Variants in TTC3 observed in about 807,000 individuals in gnomAD.
The protein encoded by TTC3 is tetratricopeptide repeat domain 3, also known as E3 ubiquitin-protein ligase TTC3.
In TTC3, 180 loss-of-function variants were observed where a neutral mutation model predicts 249.6. That is an observed-to-expected ratio of 0.72 (90% CI 0.64 to 0.82). The LOEUF is 0.82. Ranked by LOEUF, TTC3 falls within the 40% of genes least tolerant of loss-of-function variation. The pLI, the probability that TTC3 is intolerant of heterozygous loss-of-function variation, is 0.00. For synonymous variants in TTC3, 717 were observed against 805.0 expected (o/e 0.89, Z 1.85); for missense variants, 2,061 against 2,398.4 (o/e 0.86, Z 2.94).
chr21:37,087,505 A>G, intron 2 of TTC3, 104 bp downstream of exon 2: 7 of 1,381,904 alleles, frequency 5.1e-6, no homozygotes, highest in South Asian at 1.3e-5. Context: ...GCGTTTTGAC[A>G]GGGAGGTACA....
At chr21:37,170,539 C>T (rs2081671763) in intron 34 of TTC3, among the ~76,000 whole-genome samples, 1 of 152,126 alleles carries the variant, frequency 6.6e-6, no homozygotes, top group Admixed American at 6.5e-5. Context: ...GTATTTGAAT[C>T]AGCAGAAAAT....
intron 10 of TTC3, among the ~76,000 whole-genome samples, chr21:37,097,444 G>C (rs2074049650): frequency 6.6e-6 from 1 of 152,178 alleles, no homozygotes; most frequent in South Asian, 2.1e-4. Context: ...AGAAAACGAA[G>C]TTGGAATCTG....
rs2079526544 is a variant in TTC3, at chr21:37,152,148, A to G, written c.2413+119A>G. On this transcript the variant is annotated intron_variant, in intron 26 of 45. Coordinates refer to ENST00000355666, the Ensembl canonical transcript of TTC3. Reference sequence around the variant, plus strand: ...AATTGAAATAAAGATTTCACTTAGTAATTTAATACTATCACTGTCTTCTGT... The same window carrying G: ...AATTGAAATAAAGATTTCACTTAGTGATTTAATACTATCACTGTCTTCTGT... The G allele has an allele frequency of 7.9e-6, 9 of 1,146,188 alleles. No homozygotes were observed. The South Asian group carries it at 2.1e-4, about 26-fold the overall frequency. The allele number at this position is 1,146,188 out of a possible 1,614,324, so 71.0% of individuals were successfully genotyped here.
rs60916518 is a variant in TTC3, at chr21:37,124,112, C to CTTTTTTTTTTTTTTTTTTT, written c.1110-502_1110-484dup. Among the ~76,000 whole-genome samples the CTTTTTTTTTTTTTTTTTTT allele has an allele frequency of 1.4e-3, 83 of 61,278 alleles. 24 individuals are homozygous for CTTTTTTTTTTTTTTTTTTT. Among genetic ancestry groups the CTTTTTTTTTTTTTTTTTTT allele is most frequent in the Admixed American group, 1.9e-3 (6 of 3,202 alleles). 40.2% of individuals were successfully genotyped at this position (61,278 alleles called of 152,430 possible). A position where few individuals can be genotyped will look rare whatever the true frequency, so the allele number is the denominator to read the frequency against. ...GCAGAATACTTCTTTTTGAACTGTT[C>CTTTTTTTTTTTTTTTTTTT]TTTTTTTTTTTTTTTTTTTTTTTGA... On this transcript the variant is annotated intron_variant, in intron 13 of 45. Coordinates refer to ENST00000355666, the Ensembl canonical transcript of TTC3.
intron 26 of TTC3, 114 bp downstream of exon 26, chr21:37,152,143 T>G (rs1207873017): frequency 2.5e-6 from 3 of 1,219,298 alleles, no homozygotes; most frequent in Non-Finnish European, 2.2e-6. Context: ...AAGATTTCAC[T>G]TAGTAATTTA....
chr21:37,147,134 G>C (rs2147991939), intron 21 of TTC3, among the ~76,000 whole-genome samples: 1 of 152,244 alleles, frequency 6.6e-6, no homozygotes, highest in Non-Finnish European at 1.5e-5. Context: ...ATTACCCTAA[G>C]GGTTATTCTG....
intron 1 of TTC3, among the ~76,000 whole-genome samples, chr21:37,079,512 G>T (rs2071329067): frequency 8.8e-6 from 1 of 113,346 alleles, no homozygotes; most frequent in African/African-American, 3.6e-5. Context: ...CAAGTTTATG[G>T]TATGGTTTTT....
intron 2 of TTC3, among the ~76,000 whole-genome samples, 153 bp from the exon 3 acceptor site, chr21:37,087,680 C>T (rs182138724): frequency 8.8e-4 from 134 of 152,158 alleles, no homozygotes; most frequent in Non-Finnish European, 1.0e-3. Flanking sequence ...TACTGTAAAA[C>T]GGGTCTCAAA....
At chr21:37,147,929 A>G (rs1382199352) in intron 22 of TTC3, among the ~76,000 whole-genome samples, 3 of 152,048 alleles carry the variant, frequency 2.0e-5, no homozygotes, top group African/African-American at 4.8e-5. Flanking sequence ...GGGTTTCACC[A>G]TATTGGCCAG....
At chr21:37,138,074 C>T (rs781571602) in intron 18 of TTC3, among the ~76,000 whole-genome samples, 49 of 152,104 alleles carry the variant, frequency 3.2e-4, no homozygotes, top group Non-Finnish European at 2.4e-4. Context: ...ACTCAGTAAA[C>T]CCTCAGATGA....
At chr21:37,192,201 T>C (rs746231058) in exon 41 of TTC3, 2 of 1,602,758 alleles carry the variant, frequency 1.2e-6, no homozygotes, top group Non-Finnish European at 1.7e-6. Context: ...TTTCATTTCC[T>C]GCCTGTAACA....
intron 38 of TTC3, chr21:37,188,163 C>G (rs1003430665): frequency 6.2e-6 from 1 of 161,644 alleles, no homozygotes; most frequent in Admixed American, 6.2e-5. Flanking sequence ...AAGGGTTATT[C>G]TGCTGCAGGA....
At chr21:37,115,560 C>T (rs1472290988) in intron 11 of TTC3, among the ~76,000 whole-genome samples, 1 of 152,166 alleles carries the variant, frequency 6.6e-6, no homozygotes, top group Non-Finnish European at 1.5e-5. Flanking sequence ...TTGGTCATTG[C>T]AGCATTGTTT....
chr21:37,092,685 A>T (rs1239692410), intron 7 of TTC3, among the ~76,000 whole-genome samples: 1 of 152,090 alleles, frequency 6.6e-6, no homozygotes, highest in Non-Finnish European at 1.5e-5. Flanking sequence ...GTCCCTTAGA[A>T]TTTCTTTATT....
intron 23 of TTC3, 115 bp from the exon 24 acceptor site, chr21:37,149,963 A>C (rs192119427): frequency 1.4e-6 from 1 of 705,230 alleles, no homozygotes; most frequent in Non-Finnish European, 2.3e-6. Flanking sequence ...ACTTGCCTGA[A>C]GATGGTTTTA....
At chr21:37,075,065 A>G (rs1415391367) in intron 1 of TTC3, among the ~76,000 whole-genome samples, 3 of 151,490 alleles carry the variant, frequency 2.0e-5, no homozygotes, top group Admixed American at 6.6e-5. Flanking sequence ...TTTACTTTGC[A>G]TATTTTATAC....
chr21:37,124,112 CTTTTT>C (rs60916518), intron 13 of TTC3, among the ~76,000 whole-genome samples: 7 of 61,282 alleles, frequency 1.1e-4, no homozygotes, highest in Admixed American at 3.1e-4. Context: ...TTGAACTGTT[CTTTTT>C]TTTTTTTTTT....
exon 9 of TTC3, chr21:37,095,405 A>G (rs776466013): frequency 3.7e-6 from 6 of 1,608,444 alleles, no homozygotes; most frequent in Non-Finnish European, 5.1e-6. Context: ...GAAAGATTTG[A>G]TATAGCTATT....
At chr21:37,081,153 G>C (rs1308975924) in intron 1 of TTC3, among the ~76,000 whole-genome samples, 1 of 107,856 alleles carries the variant, frequency 9.3e-6, no homozygotes, top group East Asian at 2.8e-4. Flanking sequence ...GAGTCTTGCT[G>C]TGTTGTTAGG....
Sources: gnomAD v4.1 joint callset for allele counts (sites outside exome capture counted in the v4.1 genomes callset) on GRCh38, gnomAD v4.1.1 for gene constraint, MANE v1.5 for transcripts, NCBI Gene and HGNC (gene_info 2026-07-23, HGNC 2026-07-21) for gene names.